SYN2: variants seen among roughly 807,000 people sequenced by gnomAD.
The protein encoded by SYN2 is synapsin II.
SYN2 carries 19 observed loss-of-function variants against 50.9 expected under a neutral mutation model. That is an observed-to-expected ratio of 0.37 (90% CI 0.26 to 0.55). The LOEUF is 0.55. Ranked by LOEUF, SYN2 falls within the 20% of genes least tolerant of loss-of-function variation. SYN2 has a pLI of 0.81. For missense variants in SYN2, 587 were observed against 576.4 expected, an observed-to-expected ratio of 1.02 and a Z score of -0.19; for synonymous variants, 255 against 224.9, an observed-to-expected ratio of 1.13 and a Z score of -1.20.
chr3:12,071,454 C>T, intron 1 of SYN2: 1 of 487,670 alleles, frequency 2.1e-6, no homozygotes, highest in South Asian at 1.6e-5. Context: ...TCATGCTAGC[C>T]TCATGAAACT....
rs1695878942 is a variant in SYN2, at chr3:12,093,929, T to A, written c.378-46722T>A. Among the ~76,000 whole-genome samples the A allele has an allele frequency of 3.3e-5, 5 of 151,772 alleles. 1 individual carries two copies. In the South Asian group the frequency reaches 1.0e-3, roughly 31 times the overall value. Reference sequence around the variant, plus strand: ...TAGAGTGCAGTGGCATAATCTTGGTTCACTGCAACCTGTGCCTCTTGGGTT... The same window carrying A: ...TAGAGTGCAGTGGCATAATCTTGGTACACTGCAACCTGTGCCTCTTGGGTT... On this transcript the variant is annotated intron_variant, in intron 1 of 12. Coordinates refer to ENST00000621198, the MANE Select transcript of SYN2 (RefSeq NM_133625.6).
At chr3:12,064,284 T>C (rs1200854122) in intron 1 of SYN2, among the ~76,000 whole-genome samples, 1 of 151,970 alleles carries the variant, frequency 6.6e-6, no homozygotes, top group African/African-American at 2.4e-5. Flanking sequence ...TAAGGAGACA[T>C]GGTGATTAAT....
intron 1 of SYN2, among the ~76,000 whole-genome samples, chr3:12,038,312 A>G (rs1185872242): frequency 6.6e-6 from 1 of 152,164 alleles, no homozygotes; most frequent in Non-Finnish European, 1.5e-5. Flanking sequence ...TATTATCTTC[A>G]TTACTGTAGC....
chr3:12,147,598 C>G (rs1453900129), intron 4 of SYN2, among the ~76,000 whole-genome samples: 1 of 152,176 alleles, frequency 6.6e-6, no homozygotes, highest in African/African-American at 2.4e-5. Context: ...CACACGTGTC[C>G]TAACCCACGT....
chr3:12,119,985 A>G lies in SYN2; in HGVS notation c.378-20666A>G, dbSNP rs567472837. On this transcript the variant is annotated intron_variant, in intron 1 of 12. Coordinates refer to ENST00000621198, the MANE Select transcript of SYN2 (RefSeq NM_133625.6). Reference sequence around the variant, plus strand: ...GAGATTTAAGTTCAAAGGTTTTCACAGTTTAAAAAACATCTGAATTTTTTT... The same window carrying G: ...GAGATTTAAGTTCAAAGGTTTTCACGGTTTAAAAAACATCTGAATTTTTTT... 5.9e-5 allele frequency among the ~76,000 whole-genome samples: 9 copies of G among 152,302 alleles called. No homozygotes were observed. The South Asian group carries it at 1.9e-3, about 32-fold the overall frequency.
At chr3:12,134,617 G>C (rs1184076579) in intron 1 of SYN2, among the ~76,000 whole-genome samples, 2 of 152,218 alleles carry the variant, frequency 1.3e-5, no homozygotes, top group East Asian at 3.8e-4. Flanking sequence ...CCATAATGCT[G>C]TGCTTGTATG....
chr3:12,138,255 T>C (rs1301852988), intron 1 of SYN2, among the ~76,000 whole-genome samples: 1 of 152,132 alleles, frequency 6.6e-6, no homozygotes, highest in Non-Finnish European at 1.5e-5. Context: ...CCAAGACAGG[T>C]CAGTGACCCT....
rs549073244 is a variant in SYN2, at chr3:12,009,814, A to C, written c.377+4886A>C. Among the ~76,000 whole-genome samples the C allele has an allele frequency of 3.3e-5, 5 of 152,312 alleles. No homozygotes were observed. In the East Asian group the frequency reaches 5.8e-4, roughly 18 times the overall value. On this transcript the variant is annotated intron_variant, in intron 1 of 12. Coordinates refer to ENST00000621198, the MANE Select transcript of SYN2 (RefSeq NM_133625.6). Reference sequence around the variant, plus strand: ...AGCAAAGTTCATTCTAAAATGGTTGAAGAAGGTTGGGCGCGGTGGCTCACG... The same window carrying C: ...AGCAAAGTTCATTCTAAAATGGTTGCAGAAGGTTGGGCGCGGTGGCTCACG...
intron 4 of SYN2, among the ~76,000 whole-genome samples, chr3:12,147,430 G>A (rs1351783873): frequency 1.3e-5 from 2 of 152,114 alleles, no homozygotes; most frequent in South Asian, 2.1e-4. Context: ...TTCCTTCTGC[G>A]TGGCCTGAGG....
intron 7 of SYN2, among the ~76,000 whole-genome samples, chr3:12,164,377 A>G (rs945252694): frequency 6.6e-5 from 10 of 152,220 alleles, no homozygotes; most frequent in African/African-American, 2.4e-4. Flanking sequence ...GCTTTAGATA[A>G]CATTTATTTA....
chr3:12,108,819 A>C (rs1696256636), intron 1 of SYN2, among the ~76,000 whole-genome samples: 1 of 151,014 alleles, frequency 6.6e-6, no homozygotes, highest in African/African-American at 2.5e-5. Flanking sequence ...AAAAAAAAAA[A>C]AACATATAAT....
chr3:12,007,253 G>C (rs1372445265), intron 1 of SYN2, among the ~76,000 whole-genome samples: 1 of 152,142 alleles, frequency 6.6e-6, no homozygotes. Flanking sequence ...ACTCCCAACT[G>C]TTTTCCTATT....
chr3:12,119,421 G>A lies in SYN2; in HGVS notation c.378-21230G>A, dbSNP rs187149509. 1.6e-3 allele frequency among the ~76,000 whole-genome samples: 238 copies of A among 152,226 alleles called. 5 individuals carry two copies. Among genetic ancestry groups the A allele is most frequent in the Admixed American group, 0.013 (205 of 15,294 alleles). Reference sequence around the variant, plus strand: ...TAGTGTTTTATTCATTTCTGCAATCGTAGCAACCTAACACAGCTTTTGGCC... The same window carrying A: ...TAGTGTTTTATTCATTTCTGCAATCATAGCAACCTAACACAGCTTTTGGCC... On this transcript the variant is annotated intron_variant, in intron 1 of 12. Transcript: ENST00000621198.
rs781580212 is a variant in SYN2, at chr3:12,168,431, G to A, written c.1111G>A (p.Ala371Thr). The A allele has an allele frequency of 4.3e-6, 7 of 1,614,012 alleles. No individual in the cohort carries two copies. In the South Asian group the frequency reaches 7.7e-5, roughly 18 times the overall value. ...GATGTTTGGCGGCCTGGACATCTGT[G>A]CTGTCAAAGCTGTACATGGCAAAGA... ...SEMFGGLDIC[A>T]VKAVHGKDGK... is the part of the protein sequence containing the mutation. The change falls in exon 9 of 13, where the codon GCT (alanine) becomes ACT (threonine). Residue 371 changes from alanine (A) to threonine (T), a missense_variant. Ala to Thr is a moderately conservative substitution (Grantham distance 58). Coordinates refer to ENST00000621198, the MANE Select transcript of SYN2 (RefSeq NM_133625.6).
chr3:12,150,074 T>TC (rs1026480804), intron 4 of SYN2, among the ~76,000 whole-genome samples: 2 of 152,136 alleles, frequency 1.3e-5, no homozygotes, highest in African/African-American at 4.8e-5. Flanking sequence ...CAACCTCGTC[T>TC]CCCCTCCCTG....
chr3:12,072,669 T>C (rs1954448074), intron 1 of SYN2, among the ~76,000 whole-genome samples: 1 of 152,230 alleles, frequency 6.6e-6, no homozygotes, highest in African/African-American at 2.4e-5. Context: ...CTCCTATTTA[T>C]GTTTTTAGCT....
At chr3:12,140,739 C>T (rs374442856) in intron 2 of SYN2, 31 bp downstream of exon 2, 16 of 738,976 alleles carry the variant, frequency 2.2e-5, no homozygotes, top group African/African-American at 1.9e-4. Context: ...AGCTGCATCC[C>T]CGTCATCACA....
intron 1 of SYN2, among the ~76,000 whole-genome samples, chr3:12,072,205 A>G (rs1360607376): frequency 1.3e-5 from 2 of 152,252 alleles, no homozygotes; most frequent in Non-Finnish European, 2.9e-5. Flanking sequence ...TTATTGAAAT[A>G]TAAGAGTACT....
At chr3:12,190,268 C>T (rs1698421337) in intron 12 of SYN2, among the ~76,000 whole-genome samples, 1 of 152,186 alleles carries the variant, frequency 6.6e-6, no homozygotes, top group Admixed American at 6.5e-5. Flanking sequence ...CTTGTTCCCA[C>T]ACTGTCCCCA....
Sources: allele counts gnomAD v4.1 joint callset (sites outside exome capture counted in the v4.1 genomes callset), GRCh38; gene constraint gnomAD v4.1.1; transcripts MANE v1.5; gene names NCBI Gene and HGNC (gene_info 2026-07-23, HGNC 2026-07-21).